Variants in LCP1 observed in about 807,000 individuals in gnomAD.
LCP1 encodes the protein plastin-2.
Under a neutral mutation model 72.0 loss-of-function variants are expected in LCP1, and 23 were observed. The observed-to-expected ratio is 0.32, with a 90% CI of 0.23 to 0.45. The LOEUF is 0.45. Among genes scored for constraint, LCP1 ranks in the 20% least tolerant of loss-of-function variants. The probability of loss-of-function intolerance (pLI) is 1.00; values close to 1 mark genes in which losing one functional copy is unlikely to be tolerated. For missense variants in LCP1, 571 were observed against 748.3 expected (o/e 0.76, Z 2.76); for synonymous variants, 245 against 275.4 (o/e 0.89, Z 1.09).
intron 1 of LCP1, among the ~76,000 whole-genome samples, chr13:46,173,669 G>C (rs1233175818): frequency 6.6e-6 from 1 of 152,120 alleles, no homozygotes; most frequent in Admixed American, 6.5e-5. Context: ...TCTCAGTCTG[G>C]CTTATTTTGG....
In LCP1 at chr13:46,152,833, C is replaced by T; in HGVS notation, c.686G>A (p.Trp229Ter). The change falls in exon 7 of 16, where the codon TGG becomes TAG. Residue 229 changes from tryptophan (W) to a stop codon, truncating the protein, a stop_gained. Transcript: ENST00000323076. LOFTEE classifies it high-confidence loss of function. ...GKPYLVLGLL[W>*]QVIKIGLFAD... ...AAACAACCCAATCTTGATGACTTGC[C>T]ACAGAAGTCCCAGGACCAGATAAGG... The T allele has an allele frequency of 6.2e-7, 1 of 1,614,072 alleles. No homozygotes were observed. Among genetic ancestry groups the T allele is most frequent in the Non-Finnish European group, 8.5e-7 (1 of 1,180,008 alleles).
rs114763821 is a variant in LCP1 at position 46,138,533 on chromosome 13, C to G, written c.1502+3759G>C. On this transcript the variant is annotated intron_variant, in intron 13 of 15. Transcript: ENST00000323076. ...CAGAGTGGACCTTGTTGTGTATGTG[C>G]CAGCCATTAAATAGGGCTTTGAGCC... Among the ~76,000 whole-genome samples, 518 of 152,236 alleles carry G rather than the reference C, an allele frequency of 3.4e-3. 2 individuals carry two copies. Among genetic ancestry groups the G allele is most frequent in the African/African-American group, 0.012 (506 of 41,536 alleles).
chr13:46,148,683 A>G (rs1346803396), intron 8 of LCP1: 1 of 482,460 alleles, frequency 2.1e-6, no homozygotes, highest in Non-Finnish European at 3.3e-6. Context: ...ATATACACAA[A>G]AGGCACCCTA....
At chr13:46,179,243 G>A (rs2045945592) in intron 1 of LCP1, among the ~76,000 whole-genome samples, 6 of 152,190 alleles carry the variant, frequency 3.9e-5, no homozygotes, top group Admixed American at 3.9e-4. Context: ...CTTCGGTAAA[G>A]CTGAAACATG....
intron 15 of LCP1, among the ~76,000 whole-genome samples, chr13:46,130,065 A>G (rs981022880): frequency 6.6e-6 from 1 of 152,116 alleles, no homozygotes; most frequent in East Asian, 1.9e-4. Context: ...TTGATTGCAA[A>G]CCTCTAGCTC....
At chr13:46,150,315 GT>G (rs1294032480) in intron 8 of LCP1, among the ~76,000 whole-genome samples, 1 of 152,128 alleles carries the variant, frequency 6.6e-6, no homozygotes, top group Admixed American at 6.5e-5. Flanking sequence ...GCCAATAGCT[GT>G]TTTCTTTCAC....
intron 11 of LCP1, among the ~76,000 whole-genome samples, chr13:46,144,083 G>GAAAAAAAAAAGAAATATTA (rs1566436897): frequency 1.3e-4 from 19 of 148,712 alleles, no homozygotes; most frequent in Admixed American, 1.3e-3. Flanking sequence ...AAGAAATATT[G>GAAAAAAAAAAGAAATATTA]AAAAAAAAAA....
At chr13:46,137,577 T>A (rs866952492) in intron 13 of LCP1, among the ~76,000 whole-genome samples, 2 of 152,168 alleles carry the variant, frequency 1.3e-5, no homozygotes, top group African/African-American at 4.8e-5. Flanking sequence ...TTCTAGATAG[T>A]ACACTAAGCA....
intron 1 of LCP1, among the ~76,000 whole-genome samples, chr13:46,169,127 C>G (rs1445249168): frequency 6.6e-6 from 1 of 152,166 alleles, no homozygotes; most frequent in Non-Finnish European, 1.5e-5. Flanking sequence ...GTGGCTGGGA[C>G]CAGAGTCCAG....
Position 46,153,474 on chromosome 13 carries a change from G to A in LCP1, c.574-529C>T, listed in dbSNP as rs138082029. Among the ~76,000 whole-genome samples the A allele has an allele frequency of 2.9e-3, 437 of 152,256 alleles. 5 individuals carry two copies. The highest frequency in any genetic ancestry group is 9.9e-3 in the African/African-American group (410 of 41,546). ...CCGGCACTTTGAGAGGTCAAGGCGG[G>A]TGGATCACCTAAGGTCAGGAGTTTG... On this transcript the variant is annotated intron_variant, in intron 6 of 15. Coordinates refer to ENST00000323076, the MANE Select transcript of LCP1 (RefSeq NM_002298.5).
chr13:46,159,788 C>A lies in LCP1; in HGVS notation c.-24-102G>T, dbSNP rs146678909. The A allele has an allele frequency of 4.0e-4, 275 of 692,542 alleles. 2 individuals carry two copies. The East Asian group carries it at 5.7e-3, about 14-fold the overall frequency. 42.9% of individuals were successfully genotyped at this position (692,542 alleles called of 1,614,324 possible). On this transcript the variant is annotated intron_variant, in intron 1 of 15. Coordinates refer to ENST00000323076, the MANE Select transcript of LCP1 (RefSeq NM_002298.5). Reference sequence around the variant, plus strand: ...ATTTATTACATGAAGAAATATTCTTCTGCATCCCCCATGATTTAGAACTAT... The same window carrying A: ...ATTTATTACATGAAGAAATATTCTTATGCATCCCCCATGATTTAGAACTAT...
chr13:46,153,982 T>A (rs1178469172), intron 6 of LCP1, among the ~76,000 whole-genome samples: 1 of 152,206 alleles, frequency 6.6e-6, no homozygotes, highest in East Asian at 1.9e-4. Context: ...GTCAGAGATG[T>A]ATAGAAATTG....
intron 6 of LCP1, among the ~76,000 whole-genome samples, chr13:46,154,110 T>A (rs2045786029): frequency 6.6e-6 from 1 of 152,232 alleles, no homozygotes; most frequent in Admixed American, 6.5e-5. Context: ...ATACTGTTTC[T>A]ATATATGGTC....
chr13:46,141,010 T>TGGG (rs1012455580), intron 13 of LCP1, among the ~76,000 whole-genome samples: 2 of 152,064 alleles, frequency 1.3e-5, no homozygotes, highest in African/African-American at 4.8e-5. Context: ...CCAGGGCTGG[T>TGGG]GGGTATGGAA....
intron 1 of LCP1, among the ~76,000 whole-genome samples, chr13:46,164,415 T>C (rs1233968056): frequency 6.6e-6 from 1 of 152,172 alleles, no homozygotes; most frequent in Non-Finnish European, 1.5e-5. Context: ...TAAAATCATA[T>C]TATTTTTAAA....
chr13:46,128,831 C>T (rs1006179619), intron 15 of LCP1, among the ~76,000 whole-genome samples: 7 of 152,252 alleles, frequency 4.6e-5, no homozygotes, highest in Admixed American at 1.3e-4. Context: ...AATGAGCCCA[C>T]ACTACTACCT....
chr13:46,164,002 CA>C (rs552033279), intron 1 of LCP1, among the ~76,000 whole-genome samples: 3 of 152,152 alleles, frequency 2.0e-5, no homozygotes, highest in Non-Finnish European at 4.4e-5. Flanking sequence ...ATTCATTTAA[CA>C]AATATTTTAT....
At chr13:46,146,334 T>A (rs906401077) in intron 10 of LCP1, among the ~76,000 whole-genome samples, 22 of 152,160 alleles carry the variant, frequency 1.4e-4, no homozygotes, top group South Asian at 2.1e-4. Flanking sequence ...ATGATTTTTT[T>A]AAAAAAGTCA....
intron 7 of LCP1, among the ~76,000 whole-genome samples, chr13:46,151,575 G>A (rs1247783846): frequency 6.6e-6 from 1 of 152,184 alleles, no homozygotes; most frequent in African/African-American, 2.4e-5. Context: ...TTTCCCAGAT[G>A]AGTAAGTATT....
Sources: gnomAD v4.1 joint callset for allele counts (sites outside exome capture counted in the v4.1 genomes callset) on GRCh38, gnomAD v4.1.1 for gene constraint, MANE v1.5 for transcripts, NCBI Gene and HGNC (gene_info 2026-07-23, HGNC 2026-07-21) for gene names.